Variants in AGBL4 observed in about 807,000 individuals in gnomAD.
AGBL4 encodes cytosolic carboxypeptidase 6.
In AGBL4, 58 loss-of-function variants were observed where a neutral mutation model predicts 66.4. That is an observed-to-expected ratio of 0.87 (90% CI 0.71 to 1.09). AGBL4 has a LOEUF of 1.09. Ranked by LOEUF, AGBL4 falls within the 50% of genes least tolerant of loss-of-function variation. AGBL4 has a pLI of 0.00. For synonymous variants in AGBL4, 234 were observed against 222.9 expected (o/e 1.05, Z -0.44); for missense variants, 579 against 631.0 (o/e 0.92, Z 0.88).
At chr1:48,957,411 T>C (rs1428835648) in intron 5 of AGBL4, among the ~76,000 whole-genome samples, 1 of 152,180 alleles carries the variant, frequency 6.6e-6, no homozygotes, top group Non-Finnish European at 1.5e-5. Flanking sequence ...TTATTGCAAA[T>C]AATGCTGTGA....
intron 1 of AGBL4, among the ~76,000 whole-genome samples, chr1:50,006,073 C>T (rs1001897680): frequency 1.3e-5 from 2 of 152,208 alleles, no homozygotes; most frequent in Non-Finnish European, 2.9e-5. Context: ...GGTGCGGTGG[C>T]TCACGCCTGT....
chr1:49,042,235 T>C (rs1643961541), intron 5 of AGBL4, among the ~76,000 whole-genome samples: 1 of 152,080 alleles, frequency 6.6e-6, no homozygotes, highest in Non-Finnish European at 1.5e-5. Flanking sequence ...AACTGAGGAA[T>C]TCCTCGAGGA....
At chr1:48,964,423 C>T (rs1658254399) in intron 5 of AGBL4, among the ~76,000 whole-genome samples, 3 of 152,190 alleles carry the variant, frequency 2.0e-5, no homozygotes. Flanking sequence ...ATAATATTTA[C>T]TACTCTTTGA....
chr1:49,335,810 T>C (rs1041919403), intron 3 of AGBL4, among the ~76,000 whole-genome samples: 1 of 152,172 alleles, frequency 6.6e-6, no homozygotes, highest in African/African-American at 2.4e-5. Context: ...CCACCGTGCC[T>C]GGCCTAAAAT....
intron 3 of AGBL4, among the ~76,000 whole-genome samples, chr1:49,282,588 T>C (rs1644299210): frequency 6.6e-6 from 1 of 152,202 alleles, no homozygotes; most frequent in South Asian, 2.1e-4. Flanking sequence ...ACAGGTGATT[T>C]CTGCATTTCC....
intron 3 of AGBL4, among the ~76,000 whole-genome samples, chr1:49,561,222 G>A (rs1644030756): frequency 6.6e-6 from 1 of 151,638 alleles, no homozygotes; most frequent in Non-Finnish European, 1.5e-5. Context: ...CCAATTTAGG[G>A]TGTAGAGCTT....
intron 3 of AGBL4, among the ~76,000 whole-genome samples, chr1:49,678,063 G>T (rs761663203): frequency 6.6e-6 from 1 of 152,152 alleles, no homozygotes; most frequent in Non-Finnish European, 1.5e-5. Context: ...GAATCCTCTA[G>T]TGAAACAATT....
intron 5 of AGBL4, among the ~76,000 whole-genome samples, chr1:48,973,955 G>C (rs2148956333): frequency 6.6e-6 from 1 of 152,262 alleles, no homozygotes; most frequent in Non-Finnish European, 1.5e-5. Context: ...GGTTAGAGAA[G>C]ATCCCATCTC....
intron 6 of AGBL4, among the ~76,000 whole-genome samples, chr1:48,667,230 T>C (rs1035022816): frequency 6.6e-6 from 1 of 152,192 alleles, no homozygotes; most frequent in East Asian, 1.9e-4. Flanking sequence ...ACTATAGAAG[T>C]GATGGTGTGC....
intron 6 of AGBL4, among the ~76,000 whole-genome samples, chr1:48,839,888 G>C (rs180679740): frequency 6.6e-6 from 1 of 152,074 alleles, no homozygotes; most frequent in African/African-American, 2.4e-5. Flanking sequence ...CCAAATTTCT[G>C]TATGCAAGGG....
At chr1:49,991,210 T>C (rs185701614) in intron 1 of AGBL4, among the ~76,000 whole-genome samples, 18 of 152,280 alleles carry the variant, frequency 1.2e-4, no homozygotes, top group Admixed American at 9.8e-4. Context: ...ATGTTGCATA[T>C]TAAAATCATC....
chr1:49,412,987 T>C (rs989859099), intron 3 of AGBL4, among the ~76,000 whole-genome samples: 1 of 152,194 alleles, frequency 6.6e-6, no homozygotes, highest in African/African-American at 2.4e-5. Context: ...TTTTAAAAGA[T>C]GTTCCCAGAT....
intron 3 of AGBL4, among the ~76,000 whole-genome samples, chr1:49,578,304 T>C (rs753388587): frequency 1.3e-5 from 2 of 152,312 alleles, no homozygotes; most frequent in East Asian, 1.9e-4. Flanking sequence ...AGTATTACCA[T>C]GCCCTGTGAT....
At chr1:49,356,621 AC>A (rs1644024989) in intron 3 of AGBL4, among the ~76,000 whole-genome samples, 1 of 152,156 alleles carries the variant, frequency 6.6e-6, no homozygotes, top group African/African-American at 2.4e-5. Flanking sequence ...GCAAATGTAA[AC>A]TCAGAGCAAA....
intron 10 of AGBL4, 48 bp downstream of exon 10, chr1:48,590,785 G>A (rs1337330851): frequency 1.3e-6 from 2 of 1,541,478 alleles, no homozygotes; most frequent in Admixed American, 2.0e-5. Context: ...AGACGGGGAG[G>A]CAGGGTGTGG....
At chr1:49,278,306 G>A (rs867429692) in intron 3 of AGBL4, among the ~76,000 whole-genome samples, 49 of 152,100 alleles carry the variant, frequency 3.2e-4, no homozygotes, top group African/African-American at 1.1e-3. Flanking sequence ...AAACAGCCAT[G>A]CTTTCAATTT....
chr1:49,616,411 C>T (rs1571180119), intron 3 of AGBL4, among the ~76,000 whole-genome samples: 1 of 152,152 alleles, frequency 6.6e-6, no homozygotes, highest in Non-Finnish European at 1.5e-5. Flanking sequence ...TTACTGGCTG[C>T]TCTTTCTCAA....
chr1:49,331,369 G>C lies in AGBL4; in HGVS notation c.283-85505C>G, dbSNP rs959921340. ...AATTCTAGCCAGCCACCGGACACAG[G>C]GTAGTGCCTGCCTCAGAAGGGACTA... On this transcript the variant is annotated intron_variant, in intron 3 of 13. Transcript: ENST00000371839. 3.3e-5 allele frequency among the ~76,000 whole-genome samples: 5 copies of C among 152,234 alleles called. No individual in the cohort carries two copies. The East Asian group carries it at 9.7e-4, about 30-fold the overall frequency.
At chr1:49,533,482 G>A (rs1470222164) in intron 3 of AGBL4, among the ~76,000 whole-genome samples, 1 of 152,058 alleles carries the variant, frequency 6.6e-6, no homozygotes, top group East Asian at 1.9e-4. Context: ...TTTCTCAGAA[G>A]CCCAGCTACA....
Sources: gnomAD v4.1 joint callset for allele counts (sites outside exome capture counted in the v4.1 genomes callset) on GRCh38, gnomAD v4.1.1 for gene constraint, MANE v1.5 for transcripts, NCBI Gene and HGNC (gene_info 2026-07-23, HGNC 2026-07-21) for gene names.